Variants in MDN1 observed in about 807,000 individuals in gnomAD.
MDN1 encodes midasin.
MDN1 carries 266 observed loss-of-function variants against 669.2 expected under a neutral mutation model. The observed-to-expected ratio is 0.40, with a 90% confidence interval of 0.36 to 0.44. MDN1 has a LOEUF of 0.44. MDN1 is among the 20% of genes least tolerant of loss of function. The probability of loss-of-function intolerance (pLI) is 1.00; values close to 1 mark genes in which losing one functional copy is unlikely to be tolerated. For synonymous variants in MDN1, 2,385 were observed against 2,457.1 expected, an observed-to-expected ratio of 0.97 and a Z score of 0.87; for missense variants, 5,940 against 6,754.0, an observed-to-expected ratio of 0.88 and a Z score of 4.22.
chr6:89,791,010 GA>G (rs1241763324), intron 5 of MDN1, among the ~76,000 whole-genome samples: 10 of 152,056 alleles, frequency 6.6e-5, no homozygotes, highest in Non-Finnish European at 1.0e-4. Context: ...CAACAAGAGT[GA>G]AACTCCGCCT....
intron 23 of MDN1, 88 bp downstream of exon 23, chr6:89,751,343 T>G: frequency 6.1e-6 from 9 of 1,477,064 alleles, no homozygotes; most frequent in Non-Finnish European, 8.4e-6. Flanking sequence ...AGAATAAAGC[T>G]CTTTGAAAGT....
intron 27 of MDN1, among the ~76,000 whole-genome samples, chr6:89,746,611 A>AAAAGAAAG (rs35724331): frequency 0.041 from 1,660 of 40,444 alleles, 48 homozygotes; most frequent in African/African-American, 0.081. Flanking sequence ...AAAAAAAAAA[A>AAAAGAAAG]AAAGAAAGAA....
At chr6:89,667,829 G>A (rs544733700) in intron 84 of MDN1, among the ~76,000 whole-genome samples, 185 bp downstream of exon 84, 1 of 152,110 alleles carries the variant, frequency 6.6e-6, no homozygotes, top group Non-Finnish European at 1.5e-5. Flanking sequence ...GGAGTTGCCA[G>A]GTTCCTTCCT....
At chr6:89,772,759 C>A (rs1461524067) in intron 13 of MDN1, 38 bp from the exon 14 acceptor site, 1 of 1,601,654 alleles carries the variant, frequency 6.2e-7, no homozygotes, top group Admixed American at 1.7e-5. Context: ...AACCACGCTG[C>A]AAGCTTCTCC....
At chr6:89,750,291 A>T in intron 24 of MDN1, 63 bp downstream of exon 24, 1 of 1,467,570 alleles carries the variant, frequency 6.8e-7, no homozygotes, top group Non-Finnish European at 9.3e-7. Context: ...GAAGAATATT[A>T]CTTAAGGAAA....
chr6:89,758,982 T>G, intron 17 of MDN1, 22 bp from the exon 18 acceptor site: 1 of 1,607,920 alleles, frequency 6.2e-7, no homozygotes, highest in East Asian at 2.2e-5. Flanking sequence ...TAAAATAAAA[T>G]GTTAACAATG....
intron 93 of MDN1, among the ~76,000 whole-genome samples, chr6:89,653,796 T>A (rs576889116): frequency 1.2e-4 from 19 of 152,362 alleles, no homozygotes; most frequent in African/African-American, 4.3e-4. Flanking sequence ...TACTGCATTT[T>A]ATGCTAATAG....
intron 63 of MDN1, among the ~76,000 whole-genome samples, chr6:89,691,754 T>C (rs1394519938): frequency 6.6e-6 from 1 of 152,154 alleles, no homozygotes; most frequent in East Asian, 1.9e-4. Context: ...AGAATAAACT[T>C]TACTAGTGGT....
intron 73 of MDN1, among the ~76,000 whole-genome samples, chr6:89,682,231 C>T (rs1811659536): frequency 6.6e-6 from 1 of 152,226 alleles, no homozygotes; most frequent in Non-Finnish European, 1.5e-5. Context: ...CCACAGGCAG[C>T]TTCAACGGCA....
intron 71 of MDN1, 45 bp from the exon 72 acceptor site, chr6:89,683,949 G>T: frequency 7.1e-7 from 1 of 1,402,442 alleles, no homozygotes. Flanking sequence ...TAAAGCTAGT[G>T]TCATTCTGTT....
intron 50 of MDN1, among the ~76,000 whole-genome samples, chr6:89,710,471 A>C (rs72915903): frequency 0.11 from 16,650 of 151,834 alleles, 1,022 homozygotes; most frequent in South Asian, 0.16. Flanking sequence ...AATATCAAGA[A>C]GACCCTGGGC....
chr6:89,745,137 A>AAC (rs1271793885), intron 29 of MDN1, 136 bp downstream of exon 29: 1 of 802,884 alleles, frequency 1.2e-6, no homozygotes, highest in East Asian at 4.4e-5. Flanking sequence ...CTCTTCTTAA[A>AAC]AAAAAAAAAA....
intron 66 of MDN1, 117 bp from the exon 67 acceptor site, chr6:89,688,290 C>CT: frequency 2.1e-6 from 2 of 949,764 alleles, no homozygotes; most frequent in Non-Finnish European, 3.2e-6. Context: ...TAAAACACCT[C>CT]TGAAAAAAAA....
rs370848525 is a variant in MDN1, at chr6:89,658,771, C to T, written c.14860G>A (p.Glu4954Lys). 3 of 1,614,072 alleles carry T rather than the reference C, an allele frequency of 1.9e-6. No individual in the cohort carries two copies. Among genetic ancestry groups the T allele is most frequent in the Non-Finnish European group, 1.7e-6 (2 of 1,180,050 alleles). ...TCAGCTCCTGTGTCCATTTCCTCTTCCCCTTCTGCCTTGTCATCTTCACTG... is the reference window on the plus strand; with the variant it reads ...TCAGCTCCTGTGTCCATTTCCTCTTTCCCTTCTGCCTTGTCATCTTCACTG... The part of the protein sequence containing the change: ...GPSEDDKAEG[E>K]EEMDTGADDQ... Residue 4954 changes from glutamate to lysine, a missense_variant, in exon 89 of 102, where the codon GAA becomes AAA. Coordinates refer to ENST00000369393, the MANE Select transcript of MDN1 (RefSeq NM_014611.3).
chr6:89,778,155 TGAA>T (rs1045183249), intron 11 of MDN1, among the ~76,000 whole-genome samples: 5 of 151,554 alleles, frequency 3.3e-5, no homozygotes, highest in African/African-American at 1.2e-4. Context: ...TCCTGACAGT[TGAA>T]ATACTCAGAA....
intron 101 of MDN1, 147 bp from the exon 102 acceptor site, chr6:89,644,340 G>A (rs778982000): frequency 1.4e-5 from 9 of 620,934 alleles, no homozygotes; most frequent in Non-Finnish European, 2.4e-5. Flanking sequence ...AAGTAAAAGA[G>A]AATTTTCAGA....
At chr6:89,769,191 C>T (rs1211099362) in intron 15 of MDN1, among the ~76,000 whole-genome samples, 1 of 152,160 alleles carries the variant, frequency 6.6e-6, no homozygotes, top group African/African-American at 2.4e-5. Context: ...TTTATCTTTT[C>T]CCTATCCCAT....
At chr6:89,678,044 C>T (rs549950540) in intron 75 of MDN1, among the ~76,000 whole-genome samples, 24 of 152,292 alleles carry the variant, frequency 1.6e-4, no homozygotes, top group Middle Eastern at 6.8e-3. Context: ...GAGGCTGAGG[C>T]GGGTGGATCA....
chr6:89,749,183 C>T (rs777107345), intron 26 of MDN1, 40 bp downstream of exon 26: 13 of 1,514,204 alleles, frequency 8.6e-6, no homozygotes, highest in Non-Finnish European at 1.1e-5. Flanking sequence ...AAATTTTGAT[C>T]ACCAAGTATA....
Sources: allele counts gnomAD v4.1 joint callset (sites outside exome capture counted in the v4.1 genomes callset), GRCh38; gene constraint gnomAD v4.1.1; transcripts MANE v1.5; gene names NCBI Gene and HGNC (gene_info 2026-07-23, HGNC 2026-07-21).